The following NXPE4 variants were observed in gnomAD, a reference collection of about 807,000 sequenced individuals.
The protein encoded by NXPE4 is neurexophilin and PC-esterase domain family member 4.
In NXPE4, 42 loss-of-function variants were observed where a neutral mutation model predicts 33.3. That is an observed-to-expected ratio of 1.26 (90% CI 0.98 to 1.63). NXPE4 has a LOEUF of 1.63. Ranked by LOEUF, NXPE4 falls within the 40% of genes most tolerant of loss-of-function variation. NXPE4 has a pLI of 0.00. For missense variants in NXPE4, 709 were observed against 647.6 expected, an observed-to-expected ratio of 1.09 and a Z score of -1.03; for synonymous variants, 253 against 234.9, an observed-to-expected ratio of 1.08 and a Z score of -0.71.
the NXPE4 span, among the ~76,000 whole-genome samples, chr11:114,601,659 A>ATTATATATTATAT: frequency 2.6e-5 from 1 of 38,078 alleles, no homozygotes; most frequent in Non-Finnish European, 4.1e-5. Context: ...ATATATTATA[A>ATTATATATTATAT]ATAATTATAT....
Position 114,579,996 on chromosome 11 carries a change from G to A in NXPE4, c.1099+136C>T, listed in dbSNP as rs2135216823. On this transcript the variant is annotated intron_variant, in intron 5 of 5. Coordinates refer to ENST00000375478, the MANE Select transcript of NXPE4 (RefSeq NM_001077639.2). ...GTTTTTTTAAAGGAAGGATAACAAT[G>A]CCTTGTGAAAAATTTTGGTGTGTTG... The A allele has an allele frequency of 7.0e-6, 5 of 709,782 alleles. No individual in the cohort carries two copies. In the South Asian group the frequency reaches 8.9e-5, roughly 13 times the overall value. The allele number at this position is 709,782 out of a possible 1,614,324, so 44.0% of individuals were successfully genotyped here. A position where few individuals can be genotyped will look rare whatever the true frequency, so the allele number is the denominator to read the frequency against.
Position 114,580,219 on chromosome 11 carries a change from T to C in NXPE4, c.1012A>G (p.Lys338Glu). ...ATGAGTTTTCCTCTCAGGCATTCCT[T>C]CATTTTGACTGTAGCCAAACTACAG... is the stretch of plus-strand genomic sequence containing the variant. ...VSCSLATVKM[K>E]ECLRGKLIYL... Residue 338 changes from lysine (K) to glutamate (E), a missense_variant, in exon 5 of 6, where the codon AAG (lysine) becomes GAG (glutamate). Lys to Glu is a moderately conservative substitution (Grantham distance 56). Coordinates refer to ENST00000375478, the MANE Select transcript of NXPE4 (RefSeq NM_001077639.2). The C allele has an allele frequency of 6.2e-7, 1 of 1,614,050 alleles. No homozygotes were observed. The highest frequency in any genetic ancestry group is 8.5e-7 in the Non-Finnish European group (1 of 1,179,926).
the NXPE4 span, among the ~76,000 whole-genome samples, chr11:114,613,418 G>T: frequency 6.6e-6 from 1 of 151,824 alleles, no homozygotes; most frequent in Non-Finnish European, 1.5e-5. Context: ...ACTGTTACCT[G>T]GTGGATAATA....
chr11:114,617,903 G>T, the NXPE4 span, among the ~76,000 whole-genome samples: 1 of 152,024 alleles, frequency 6.6e-6, no homozygotes, highest in Non-Finnish European at 1.5e-5. Context: ...AATAAGTATT[G>T]CCTCATGGGT....
the NXPE4 span, among the ~76,000 whole-genome samples, chr11:114,647,789 C>A: frequency 2.6e-5 from 4 of 151,866 alleles, no homozygotes; most frequent in South Asian, 8.3e-4. Context: ...GCAACCTCTT[C>A]CCCCTGGGTT....
the NXPE4 span, among the ~76,000 whole-genome samples, chr11:114,654,939 A>T: frequency 6.6e-6 from 1 of 152,196 alleles, no homozygotes. Flanking sequence ...TCCCACCAAC[A>T]GTGTAAAAGC....
At chr11:114,657,235 A>G in the NXPE4 span, among the ~76,000 whole-genome samples, 22 of 152,246 alleles carry the variant, frequency 1.4e-4, no homozygotes, top group African/African-American at 5.3e-4. Flanking sequence ...TCTATCTCTG[A>G]TTGCAGTTGA....
At chr11:114,620,791 T>C in the NXPE4 span, among the ~76,000 whole-genome samples, 11 of 152,136 alleles carry the variant, frequency 7.2e-5, no homozygotes, top group South Asian at 2.3e-3. Flanking sequence ...TGGTGGATAA[T>C]AAGTGTTGCC....
Position 114,582,300 on chromosome 11 carries a change from C to T in NXPE4, c.818G>A (p.Ser273Asn). ...TAATTATTTTTACCTTTCAAAGAGG[C>T]TCTTTTCTTGTTTGCTAAGATAAGA... ...KVSYLSKQEK[S>N]LFERSNVGVE... is the part of the protein sequence containing the mutation. Residue 273 changes from serine to asparagine, a missense_variant, in exon 3 of 6, where the codon AGC becomes AAC. Ser to Asn is a conservative substitution (Grantham distance 46, BLOSUM62 1). Transcript: ENST00000375478. 1 of 1,574,396 alleles carries T rather than the reference C, an allele frequency of 6.4e-7. No homozygotes were observed. The highest frequency in any genetic ancestry group is 2.2e-5 in the East Asian group (1 of 44,484).
At chr11:114,677,592 T>C in the NXPE4 span, among the ~76,000 whole-genome samples, 4 of 152,034 alleles carry the variant, frequency 2.6e-5, no homozygotes, top group African/African-American at 4.8e-5. Flanking sequence ...TCTGTGCCAA[T>C]CTCCAATATG....
At chr11:114,585,483 CT>C (rs1372366211) in intron 2 of NXPE4, among the ~76,000 whole-genome samples, 5 of 151,844 alleles carry the variant, frequency 3.3e-5, no homozygotes, top group Non-Finnish European at 5.9e-5. Context: ...AGTCACTATG[CT>C]TATATCAGAT....
chr11:114,613,429 A>C, the NXPE4 span, among the ~76,000 whole-genome samples: 1 of 151,536 alleles, frequency 6.6e-6, no homozygotes, highest in Non-Finnish European at 1.5e-5. Context: ...GTGGATAATA[A>C]GTGTTGCCTC....
intron 5 of NXPE4, among the ~76,000 whole-genome samples, chr11:114,571,950 A>C (rs551027100): frequency 1.9e-4 from 29 of 152,212 alleles, no homozygotes; most frequent in Non-Finnish European, 3.7e-4. Flanking sequence ...CGAACACAAA[A>C]CCAGCACACT....
the NXPE4 span, among the ~76,000 whole-genome samples, chr11:114,667,136 A>C: frequency 1.3e-5 from 2 of 152,114 alleles, no homozygotes; most frequent in Non-Finnish European, 2.9e-5. Flanking sequence ...ATCTGTATAC[A>C]TGAAGATATT....
At chr11:114,620,489 GATA>G in the NXPE4 span, among the ~76,000 whole-genome samples, 3 of 151,682 alleles carry the variant, frequency 2.0e-5, no homozygotes, top group Non-Finnish European at 4.4e-5. Context: ...TTGCCCGGTG[GATA>G]ATAAGTGTTG....
At chr11:114,662,189 G>C in the NXPE4 span, among the ~76,000 whole-genome samples, 1 of 152,036 alleles carries the variant, frequency 6.6e-6, no homozygotes, top group Admixed American at 6.6e-5. Context: ...TCAACCCCCA[G>C]CATTGGTGAC....
intron 2 of NXPE4, among the ~76,000 whole-genome samples, chr11:114,585,108 T>C (rs1023345842): frequency 6.6e-6 from 1 of 151,974 alleles, no homozygotes; most frequent in African/African-American, 2.4e-5. Flanking sequence ...CAGCCATTTT[T>C]AGATTGGTTC....
chr11:114,646,377 A>T, the NXPE4 span, among the ~76,000 whole-genome samples: 1 of 151,770 alleles, frequency 6.6e-6, no homozygotes, highest in Non-Finnish European at 1.5e-5. Context: ...ATAAGTGTTA[A>T]TTTTTATCCT....
At chr11:114,641,464 C>T in the NXPE4 span, among the ~76,000 whole-genome samples, 27,288 of 151,822 alleles carry the variant, frequency 0.18, 2,913 homozygotes, top group Non-Finnish European at 0.22. Context: ...CAATGAATAA[C>T]AATGAAAGTA....
Sources: gnomAD v4.1 joint callset for allele counts (sites outside exome capture counted in the v4.1 genomes callset) on GRCh38, gnomAD v4.1.1 for gene constraint, MANE v1.5 for transcripts, NCBI Gene and HGNC (gene_info 2026-07-23, HGNC 2026-07-21) for gene names.